Variants in VASH2 observed in about 807,000 individuals in gnomAD.
VASH2 encodes tubulinyl-Tyr carboxypeptidase 2.
A neutral mutation model predicts 37.2 loss-of-function variants in VASH2; 28 were observed. That is an observed-to-expected ratio of 0.75 (90% CI 0.56 to 1.03). The LOEUF is 1.03. VASH2 is among the 50% of genes least tolerant of loss of function. The pLI is 0.00. For synonymous variants in VASH2, 188 were observed against 174.7 expected, an observed-to-expected ratio of 1.08 and a Z score of -0.60; for missense variants, 419 against 459.1, an observed-to-expected ratio of 0.91 and a Z score of 0.80.
chr1:212,988,387 G>A (rs945599170), intron 7 of VASH2, 125 bp from the exon 8 acceptor site: 3 of 920,846 alleles, frequency 3.3e-6, no homozygotes, highest in African/African-American at 3.3e-5. Context: ...GGCAGGGTGG[G>A]GGAATGGGAG....
At chr1:212,978,782 G>A (rs139779480) in intron 7 of VASH2, among the ~76,000 whole-genome samples, 7 of 152,204 alleles carry the variant, frequency 4.6e-5, no homozygotes, top group South Asian at 2.1e-4. Context: ...GTAGGTGCCC[G>A]TGGACAATTT....
At position 212,951,496 on chromosome 1, in the gene VASH2, C is replaced by T. The variant is rs1572052425; in HGVS notation, c.-47C>T. On this transcript the variant is annotated 5_prime_UTR_variant, in exon 2 of 8. Transcript: ENST00000517399. This position sits in a 1 kb window ranked among gnomAD's most constrained non-coding sequence, Gnocchi z 4.4. ...ACGCCCCCCGCCGCCGCCGCCGCTGCCGCCGCCGCGCGCCCCCAGTACCTC... is the reference window on the plus strand; with the variant it reads ...ACGCCCCCCGCCGCCGCCGCCGCTGTCGCCGCCGCGCGCCCCCAGTACCTC... The T allele has an allele frequency of 1.3e-5, 15 of 1,193,432 alleles. No homozygotes were observed. In the East Asian group the frequency reaches 4.8e-4, roughly 38 times the overall value. The allele number at this position is 1,193,432 out of a possible 1,614,324, so 73.9% of individuals were successfully genotyped here.
intron 7 of VASH2, among the ~76,000 whole-genome samples, chr1:212,983,154 C>T (rs548231097): frequency 1.2e-4 from 19 of 152,320 alleles, no homozygotes; most frequent in African/African-American, 4.3e-4. Flanking sequence ...ATGAATTTCC[C>T]TGGTCCCTCC....
rs200927903 is a variant in VASH2, at chr1:212,961,207, G to A, written c.318G>A (p.Thr106=). 9 of 1,614,146 alleles carry A rather than the reference G, an allele frequency of 5.6e-6. No individual in the cohort carries two copies. Among genetic ancestry groups the A allele is most frequent in the African/African-American group, 1.3e-5 (1 of 75,030 alleles). The change falls in exon 3 of 8, where the codon ACG becomes ACA. Residue 106 remains threonine, a synonymous_variant. Coordinates refer to ENST00000517399, the MANE Select transcript of VASH2 (RefSeq NM_001301056.2). Reference sequence around the variant, plus strand: ...TCCCAAACTACAGGCTGTCGATGACGATCCCAGACTGGCTCCAGGCGATCC... The same window carrying A: ...TCCCAAACTACAGGCTGTCGATGACAATCCCAGACTGGCTCCAGGCGATCC... ...PQVPNYRLSM[T]IPDWLQAIQN...
At chr1:212,982,177 A>C (rs1489373357) in intron 7 of VASH2, among the ~76,000 whole-genome samples, 1 of 152,160 alleles carries the variant, frequency 6.6e-6, no homozygotes, top group African/African-American at 2.4e-5. Flanking sequence ...CCAGGCCATC[A>C]AGCTTTCACC....
rs1221593212 is a variant in VASH2 at position 212,966,239 on chromosome 1, T to A, written c.423-32T>A. The A allele has an allele frequency of 3.2e-6, 5 of 1,542,212 alleles. No homozygotes were observed. The South Asian group carries it at 6.0e-5, about 18-fold the overall frequency. ...TGACCGAGTGTGTAATTAAATAGGT[T>A]CTGAGATCCTCTGCTGTGCTCTATC... On this transcript the variant is annotated intron_variant, in intron 4 of 7. Transcript: ENST00000517399.
chr1:212,957,812 C>T (rs1572058611), intron 2 of VASH2, among the ~76,000 whole-genome samples: 1 of 152,100 alleles, frequency 6.6e-6, no homozygotes, highest in East Asian at 1.9e-4. Flanking sequence ...GTTGGCCAGG[C>T]TGGTCTCAAA....
At chr1:212,961,299 G>A (rs1468239849) in intron 3 of VASH2, 45 bp downstream of exon 3, 1 of 1,613,312 alleles carries the variant, frequency 6.2e-7, no homozygotes, top group Non-Finnish European at 8.5e-7. Flanking sequence ...CAGGGGACAG[G>A]CATGGTGATC....
chr1:212,967,618 C>T (rs1000105658), intron 5 of VASH2: 23 of 227,738 alleles, frequency 1.0e-4, no homozygotes, highest in African/African-American at 4.7e-4. Flanking sequence ...AGGTAGTTCT[C>T]CAAAGCACAG....
At chr1:212,956,855 GGAGA>G (rs1193198157) in intron 2 of VASH2, among the ~76,000 whole-genome samples, 2 of 152,078 alleles carry the variant, frequency 1.3e-5, no homozygotes, top group South Asian at 4.2e-4. Context: ...TTAAAATTGT[GGAGA>G]GAGAGATATA....
intron 5 of VASH2, among the ~76,000 whole-genome samples, chr1:212,969,406 C>G (rs1040576414): frequency 5.9e-5 from 9 of 152,100 alleles, no homozygotes; most frequent in African/African-American, 2.2e-4. Flanking sequence ...CTGTGTTAGC[C>G]AGGATGGTCT....
At chr1:212,962,415 T>C (rs1666707491) in intron 3 of VASH2, among the ~76,000 whole-genome samples, 2 of 152,196 alleles carry the variant, frequency 1.3e-5, no homozygotes, top group Non-Finnish European at 2.9e-5. Flanking sequence ...CCCAGGCACA[T>C]TGACTGGCTT....
At position 212,989,931 on chromosome 1, in the gene VASH2, CT is replaced by C. The variant is rs991678097; in HGVS notation, c.*1349del. On this transcript the variant is annotated 3_prime_UTR_variant, in exon 8 of 8. Coordinates refer to ENST00000517399, the MANE Select transcript of VASH2 (RefSeq NM_001301056.2). The stretch of plus-strand genomic sequence containing the variant: ...ACAGCTTCAATTTCATTTGCTTTAT[CT>C]TAGCAACAATGCCAACTCAGGAGAG... The C allele has an allele frequency of 3.3e-5, 5 of 152,094 alleles. No homozygotes were observed. The highest frequency in any genetic ancestry group is 1.2e-4 in the African/African-American group (5 of 41,406). The allele number at this position is 152,094 out of a possible 1,614,324, so 9.4% of individuals were successfully genotyped here.
intron 7 of VASH2, 107 bp from the exon 8 acceptor site, chr1:212,988,405 C>T: frequency 3.5e-6 from 4 of 1,158,384 alleles, no homozygotes; most frequent in African/African-American, 1.5e-5. Flanking sequence ...GAGGATGAGA[C>T]AAATATCAGA....
intron 5 of VASH2, among the ~76,000 whole-genome samples, chr1:212,970,687 C>G (rs138952261): frequency 3.3e-5 from 5 of 152,132 alleles, no homozygotes; most frequent in African/African-American, 1.2e-4. Context: ...GTCAGGAGTT[C>G]GAGACCAGCC....
chr1:212,959,794 G>C (rs911156540), intron 2 of VASH2, among the ~76,000 whole-genome samples: 3 of 152,214 alleles, frequency 2.0e-5, no homozygotes, highest in Admixed American at 6.5e-5. Context: ...CACCTCCCCA[G>C]CGGAGTCCCC....
chr1:212,975,489 C>T (rs555907264), intron 7 of VASH2, among the ~76,000 whole-genome samples: 20 of 152,368 alleles, frequency 1.3e-4, no homozygotes, highest in African/African-American at 4.3e-4. Context: ...GCCATTCACA[C>T]GTGGCCTCCT....
intron 4 of VASH2, 103 bp from the exon 5 acceptor site, chr1:212,966,168 G>A: frequency 2.0e-6 from 2 of 992,436 alleles, no homozygotes; most frequent in Non-Finnish European, 3.1e-6. Flanking sequence ...CCGTGCTCCT[G>A]TGTGGTTCCT....
At chr1:212,981,608 G>A (rs1287673385) in intron 7 of VASH2, among the ~76,000 whole-genome samples, 2 of 152,114 alleles carry the variant, frequency 1.3e-5, no homozygotes, top group Admixed American at 1.3e-4. Flanking sequence ...AGAGTCTAAC[G>A]TTTACAGTGG....
Sources: allele counts gnomAD v4.1 joint callset (sites outside exome capture counted in the v4.1 genomes callset), GRCh38; gene constraint gnomAD v4.1.1; non-coding constraint Gnocchi (gnomAD v3.1); transcripts MANE v1.5; gene names NCBI Gene and HGNC (gene_info 2026-07-23, HGNC 2026-07-21).